KIFC3: variants seen among roughly 807,000 people sequenced by gnomAD.
KIFC3 encodes the protein kinesin family member C3, also known as kinesin-like protein KIFC3.
KIFC3 carries 60 observed loss-of-function variants against 101.8 expected under a neutral mutation model. The observed-to-expected ratio is 0.59, with a 90% CI of 0.48 to 0.73. KIFC3 has a LOEUF of 0.73. KIFC3 is among the 30% of genes least tolerant of loss of function. The pLI is 0.00. For missense variants in KIFC3, 966 were observed against 1,137.1 expected, an observed-to-expected ratio of 0.85 and a Z score of 2.16; for synonymous variants, 476 against 482.7, an observed-to-expected ratio of 0.99 and a Z score of 0.18.
intron 1 of KIFC3, among the ~76,000 whole-genome samples, chr16:57,818,102 C>T (rs1201151960): frequency 6.6e-6 from 1 of 151,730 alleles, no homozygotes; most frequent in Non-Finnish European, 1.5e-5. Flanking sequence ...GATCTCTGCT[C>T]ACTGCACCCT....
chr16:57,769,645 G>T lies in KIFC3; in HGVS notation c.1168C>A (p.Arg390Ser), dbSNP rs782571890. Reference sequence around the variant, plus strand: ...TCCTGCAGCAGCAGTGGGAAGCCGCGCACCTGCCGCTTGAGCCCATTGTAG... The same window carrying T: ...TCCTGCAGCAGCAGTGGGAAGCCGCTCACCTGCCGCTTGAGCCCATTGTAG... ...NDYNGLKRQV[R>S]GFPLLLQEAL... Residue 390 changes from arginine (R) to serine (S), a missense_variant, in exon 9 of 20, where the codon CGC (arginine) becomes AGC (serine). Around this residue, in one of 2 missense-constraint regions of KIFC3, gnomAD observed 689 missense variants for 884.6 expected, o/e 0.78. Coordinates refer to ENST00000445690, the MANE Select transcript of KIFC3 (RefSeq NM_001130100.2). This position sits in a 1 kb window ranked among gnomAD's most constrained non-coding sequence, Gnocchi z 4.3. 1 of 1,611,302 alleles carries T rather than the reference G, an allele frequency of 6.2e-7. No homozygotes were observed. The highest frequency in any genetic ancestry group is 1.7e-5 in the Admixed American group (1 of 60,012).
upstream of KIFC3, among the ~76,000 whole-genome samples, chr16:57,807,219 A>T (rs2054957307): frequency 6.7e-6 from 1 of 149,504 alleles, no homozygotes; most frequent in Non-Finnish European, 1.5e-5. Context: ...TTTGTCTAAA[A>T]AAAGAAAAAA....
At chr16:57,822,067 C>T (rs1212457831) in intron 1 of KIFC3, among the ~76,000 whole-genome samples, 1 of 151,792 alleles carries the variant, frequency 6.6e-6, no homozygotes, top group African/African-American at 2.4e-5. Context: ...AGAGTGAGAC[C>T]CTGTCTCAAA....
Position 57,777,699 on chromosome 16 carries a change from C to T in KIFC3, c.316-5411G>A, listed in dbSNP as rs535086798. ...TTGCACCACTGCACTCCCGCCTGGGCAGCAGAGCAAGACTCCATCTCAAAT... is the reference window on the plus strand; with the variant it reads ...TTGCACCACTGCACTCCCGCCTGGGTAGCAGAGCAAGACTCCATCTCAAAT... On this transcript the variant is annotated intron_variant, in intron 3 of 19. Transcript: ENST00000445690. Among the ~76,000 whole-genome samples the T allele has an allele frequency of 1.5e-4, 23 of 150,896 alleles. 1 individual carries two copies. In the South Asian group the frequency reaches 4.8e-3, roughly 32 times the overall value.
chr16:57,762,082 C>T (rs2148854180), intron 13 of KIFC3, 58 bp downstream of exon 13: 2 of 1,518,804 alleles, frequency 1.3e-6, no homozygotes, highest in Non-Finnish European at 8.8e-7. Flanking sequence ...TCCAGCACCA[C>T]CCCGGAGGAC....
At chr16:57,787,714 C>A (rs144629431) in intron 3 of KIFC3, among the ~76,000 whole-genome samples, 183 of 152,262 alleles carry the variant, frequency 1.2e-3, no homozygotes, top group African/African-American at 4.3e-3. Flanking sequence ...GTCCCCTGCC[C>A]GAGGCTGGCC....
Position 57,798,176 on chromosome 16 carries a change from C to T in KIFC3, c.68G>A (p.Gly23Asp), listed in dbSNP as rs1555623956. 7.1e-6 allele frequency: 11 copies of T among 1,540,122 alleles called. No individual in the cohort carries two copies. Among genetic ancestry groups the T allele is most frequent in the Admixed American group, 2.0e-5 (1 of 49,800 alleles). The change falls in exon 2 of 20, where the codon GGC becomes GAC. Residue 23 changes from glycine to aspartate, a missense_variant. Coordinates refer to ENST00000445690, the MANE Select transcript of KIFC3 (RefSeq NM_001130100.2). Reference sequence around the variant, plus strand: ...CCCCGGCTCGGGCTCCGGGGCCCGGCCCACTCTCCACAGGCCCCGCAGCGA... The same window carrying T: ...CCCCGGCTCGGGCTCCGGGGCCCGGTCCACTCTCCACAGGCCCCGCAGCGA... ...TPSLRGLWRV[G>D]RAPEPEPGMA...
chr16:57,832,077 G>A (rs1431011841), intron 1 of KIFC3, among the ~76,000 whole-genome samples: 2 of 152,130 alleles, frequency 1.3e-5, no homozygotes, highest in Non-Finnish European at 2.9e-5. Flanking sequence ...CTGGAGTACA[G>A]TGGCGCAATC....
chr16:57,797,875 G>A (rs2054464533), intron 2 of KIFC3, 197 bp downstream of exon 2: 1 of 1,461,950 alleles, frequency 6.8e-7, no homozygotes. Flanking sequence ...CTCTTTTCCA[G>A]ACAGGGGCGC....
At chr16:57,861,422 T>C (rs1959264191) in intron 1 of KIFC3, among the ~76,000 whole-genome samples, 1 of 152,226 alleles carries the variant, frequency 6.6e-6, no homozygotes, top group South Asian at 2.1e-4. Context: ...ATTAACTTTC[T>C]ATCTCAATGT....
chr16:57,788,741 G>A (rs58082302), intron 3 of KIFC3: 126,897 of 1,288,258 alleles, frequency 0.099, 6,433 homozygotes, highest in East Asian at 0.13. Flanking sequence ...GAATCCTCAC[G>A]TGAAGGAGAC....
intron 3 of KIFC3, among the ~76,000 whole-genome samples, chr16:57,778,028 C>T (rs112332343): frequency 0.065 from 9,867 of 152,258 alleles, 590 homozygotes; most frequent in East Asian, 0.14. Flanking sequence ...GGTGTAATCC[C>T]AGCACTTTGG....
chr16:57,811,007 CCTT>C (rs1451049465), intron 1 of KIFC3, among the ~76,000 whole-genome samples: 2 of 152,168 alleles, frequency 1.3e-5, no homozygotes, highest in Non-Finnish European at 1.5e-5. Flanking sequence ...GGACTGGTGA[CCTT>C]CTCAGGGCTA....
intron 1 of KIFC3, among the ~76,000 whole-genome samples, chr16:57,837,234 G>A (rs1003486648): frequency 6.6e-6 from 1 of 152,210 alleles, no homozygotes; most frequent in East Asian, 1.9e-4. Flanking sequence ...TTGGGAGGCC[G>A]AGACGGGTGG....
intron 1 of KIFC3, among the ~76,000 whole-genome samples, chr16:57,848,551 C>T (rs1489732047): frequency 6.6e-6 from 1 of 152,104 alleles, no homozygotes. Flanking sequence ...TCCCTTGAGC[C>T]CATGAATTTG....
Position 57,769,873 on chromosome 16 carries a change from C to CGG in KIFC3, c.1020_1021dup (p.Arg341ProfsTer15). 3.1e-6 allele frequency: 5 copies of CGG among 1,613,934 alleles called. No homozygotes were observed. Among genetic ancestry groups the CGG allele is most frequent in the Non-Finnish European group, 4.2e-6 (5 of 1,180,052 alleles). ...TCTGGCAAAGGCCTCCTCAATGGCC[C>CGG]GGTTCTTGTCCTCTTCCAGGGACTG... On this transcript the variant is annotated frameshift_variant, in exon 8 of 20. Transcript: ENST00000445690. LOFTEE classifies it high-confidence loss of function. The surrounding 1 kb of genome is among the most constrained non-coding windows in gnomAD (Gnocchi z 4.3).
intron 9 of KIFC3, 79 bp from the exon 10 acceptor site, chr16:57,767,064 C>G: frequency 7.4e-6 from 8 of 1,082,626 alleles, no homozygotes; most frequent in African/African-American, 1.5e-5. Context: ...CTGAGGGGTG[C>G]TCACTGCCTC....
chr16:57,803,000 C>T (rs1555626108), upstream of KIFC3: 2 of 1,535,882 alleles, frequency 1.3e-6, no homozygotes, highest in East Asian at 2.4e-5. This position sits in a 1 kb window ranked among gnomAD's most constrained non-coding sequence, Gnocchi z 5.0. Flanking sequence ...TCCTTGCACG[C>T]GCTGGCGCAC....
At chr16:57,814,806 G>C (rs2055182472) in intron 1 of KIFC3, among the ~76,000 whole-genome samples, 1 of 152,138 alleles carries the variant, frequency 6.6e-6, no homozygotes. Context: ...TATTTTAGTA[G>C]AGATGGTGTT....
Sources: allele counts gnomAD v4.1 joint callset (sites outside exome capture counted in the v4.1 genomes callset), GRCh38; gene constraint gnomAD v4.1.1; regional missense constraint gnomAD v4.1.1; non-coding constraint Gnocchi (gnomAD v3.1); transcripts MANE v1.5; gene names NCBI Gene and HGNC (gene_info 2026-07-23, HGNC 2026-07-21).